The following ARHGAP24 variants were observed in gnomAD, a reference collection of about 807,000 sequenced individuals.
ARHGAP24 encodes the protein rho GTPase-activating protein 24.
A neutral mutation model predicts 76.4 loss-of-function variants in ARHGAP24; 50 were observed. That is an observed-to-expected ratio of 0.65 (90% CI 0.52 to 0.83). ARHGAP24 has a LOEUF of 0.83. ARHGAP24 is among the 40% of genes least tolerant of loss of function. The pLI is 0.00. For synonymous variants in ARHGAP24, 345 were observed against 323.3 expected (o/e 1.07, Z -0.72); for missense variants, 930 against 914.2 (o/e 1.02, Z -0.22).
intron 3 of ARHGAP24, among the ~76,000 whole-genome samples, chr4:85,837,508 C>A (rs1730353413): frequency 6.6e-6 from 1 of 151,658 alleles, no homozygotes; most frequent in Admixed American, 6.6e-5. Flanking sequence ...TACATGAAGA[C>A]AAATCGAAAG....
chr4:85,837,922 T>G (rs1443007543), intron 3 of ARHGAP24, among the ~76,000 whole-genome samples: 1 of 152,246 alleles, frequency 6.6e-6, no homozygotes, highest in East Asian at 1.9e-4. Flanking sequence ...CTCTGCTGGC[T>G]TTATCTATAT....
intron 3 of ARHGAP24, among the ~76,000 whole-genome samples, chr4:85,736,366 T>C (rs1304273513): frequency 6.6e-6 from 1 of 152,034 alleles, no homozygotes; most frequent in African/African-American, 2.4e-5. Context: ...TAAATATTTG[T>C]TGAACAAAAG....
chr4:85,527,646 C>G (rs981940580), intron 1 of ARHGAP24, among the ~76,000 whole-genome samples: 5 of 152,066 alleles, frequency 3.3e-5, no homozygotes, highest in African/African-American at 4.8e-5. Context: ...TTCTCTTCCT[C>G]TATGTGTTCA....
Position 86,001,083 on chromosome 4 carries a change from A to T in ARHGAP24, c.*361A>T, listed in dbSNP as rs972704060. ...TCAAGCTTCACCCCTTGCACTTAAC[A>T]TAAGCTATTTTTGGCATTGTGTTAT... On this transcript the variant is annotated 3_prime_UTR_variant, in exon 10 of 10. Coordinates refer to ENST00000395184, the MANE Select transcript of ARHGAP24 (RefSeq NM_001025616.3). 2 of 409,416 alleles carry T rather than the reference A, an allele frequency of 4.9e-6. No individual in the cohort carries two copies. Among genetic ancestry groups the T allele is most frequent in the Admixed American group, 3.9e-5 (1 of 25,586 alleles). 25.4% of individuals were successfully genotyped at this position (409,416 alleles called of 1,614,324 possible).
intron 5 of ARHGAP24, among the ~76,000 whole-genome samples, chr4:85,950,366 G>T (rs987332025): frequency 2.6e-5 from 4 of 152,074 alleles, no homozygotes; most frequent in African/African-American, 9.7e-5. Flanking sequence ...TGCCTTTGGT[G>T]GTGCACAGTG....
At chr4:85,942,027 A>G in intron 4 of ARHGAP24, 39 bp from the exon 5 acceptor site, 2 of 1,594,316 alleles carry the variant, frequency 1.3e-6, no homozygotes, top group South Asian at 1.1e-5. Flanking sequence ...GTGGGAAGAG[A>G]TAAATTTCCC....
At chr4:85,923,353 C>T (rs544335723) in intron 3 of ARHGAP24, among the ~76,000 whole-genome samples, 25 of 152,228 alleles carry the variant, frequency 1.6e-4, no homozygotes, top group African/African-American at 4.8e-4. Context: ...AGCAGCTTCG[C>T]GTGAATAGAT....
At chr4:85,736,902 C>A (rs1445511398) in intron 3 of ARHGAP24, among the ~76,000 whole-genome samples, 1 of 152,166 alleles carries the variant, frequency 6.6e-6, no homozygotes. Context: ...CACTAGTCTA[C>A]CATCATATGT....
chr4:85,910,343 G>A (rs1164130103), intron 3 of ARHGAP24, among the ~76,000 whole-genome samples: 2 of 152,196 alleles, frequency 1.3e-5, no homozygotes, highest in Admixed American at 6.5e-5. Context: ...GCCCTGTGTT[G>A]TAGCTCTTTT....
chr4:85,958,683 T>TA (rs1439267149), intron 5 of ARHGAP24, among the ~76,000 whole-genome samples: 1 of 152,244 alleles, frequency 6.6e-6, no homozygotes, highest in African/African-American at 2.4e-5. Context: ...ATGTTTTACA[T>TA]TTCATAATTC....
At chr4:85,850,215 G>A (rs1479809261) in intron 3 of ARHGAP24, among the ~76,000 whole-genome samples, 3 of 152,160 alleles carry the variant, frequency 2.0e-5, no homozygotes, top group Non-Finnish European at 2.9e-5. Context: ...ATTTCTTCTA[G>A]ATTTTCTAGT....
intron 3 of ARHGAP24, among the ~76,000 whole-genome samples, chr4:85,902,564 T>C (rs906746842): frequency 6.6e-6 from 1 of 152,192 alleles, no homozygotes; most frequent in Admixed American, 6.5e-5. Context: ...GGCCTGTCAT[T>C]TGTGACATGT....
At chr4:85,901,435 T>A (rs6820395) in intron 3 of ARHGAP24, among the ~76,000 whole-genome samples, 15,127 of 152,130 alleles carry the variant, frequency 0.099, 810 homozygotes, top group South Asian at 0.13. Context: ...ATCTCTCATA[T>A]TCTAATTGCC....
intron 3 of ARHGAP24, among the ~76,000 whole-genome samples, chr4:85,786,212 G>C (rs2110090173): frequency 6.6e-6 from 1 of 151,732 alleles, no homozygotes; most frequent in African/African-American, 2.4e-5. Flanking sequence ...AGCAACTCTA[G>C]AATGTGTTTC....
chr4:85,926,790 C>T (rs977981586), intron 4 of ARHGAP24, among the ~76,000 whole-genome samples: 2 of 151,986 alleles, frequency 1.3e-5, no homozygotes, highest in Non-Finnish European at 2.9e-5. Context: ...GTCTTTAAGA[C>T]CCAAGGAGGA....
At chr4:85,782,775 C>T (rs1052851279) in intron 3 of ARHGAP24, among the ~76,000 whole-genome samples, 13 of 152,128 alleles carry the variant, frequency 8.5e-5, no homozygotes, top group Non-Finnish European at 1.6e-4. Context: ...ACATATTGGC[C>T]TTTGTTTAAC....
At chr4:85,598,704 T>C (rs1393752017) in intron 2 of ARHGAP24, among the ~76,000 whole-genome samples, 1 of 151,314 alleles carries the variant, frequency 6.6e-6, no homozygotes, top group Non-Finnish European at 1.5e-5. Flanking sequence ...GGAACTTGGA[T>C]ATTAATATTT....
chr4:85,547,596 C>T (rs1725968326), intron 1 of ARHGAP24, among the ~76,000 whole-genome samples: 1 of 152,058 alleles, frequency 6.6e-6, no homozygotes, highest in Admixed American at 6.6e-5. Flanking sequence ...CCACCATGCC[C>T]AGCTAAATTT....
intron 5 of ARHGAP24, among the ~76,000 whole-genome samples, chr4:85,949,821 C>T (rs188715966): frequency 2.0e-5 from 3 of 152,284 alleles, no homozygotes; most frequent in African/African-American, 7.2e-5. Flanking sequence ...CGTCTGTGAA[C>T]AATCTACCTT....
Sources: allele counts gnomAD v4.1 joint callset (sites outside exome capture counted in the v4.1 genomes callset), GRCh38; gene constraint gnomAD v4.1.1; transcripts MANE v1.5; gene names NCBI Gene and HGNC (gene_info 2026-07-23, HGNC 2026-07-21).